The following TTC3 variants were observed in gnomAD, a reference collection of about 807,000 sequenced individuals.
TTC3 encodes E3 ubiquitin-protein ligase TTC3.
Under a neutral mutation model 249.6 loss-of-function variants are expected in TTC3, and 180 were observed. The observed-to-expected ratio is 0.72, with a 90% CI of 0.64 to 0.82. The LOEUF (loss-of-function observed/expected upper bound fraction) is 0.82, where lower values mean the gene tolerates loss of function less well. Ranked by LOEUF, TTC3 falls within the 40% of genes least tolerant of loss-of-function variation. TTC3 has a pLI of 0.00. For synonymous variants in TTC3, 717 were observed against 805.0 expected (o/e 0.89, Z 1.85); for missense variants, 2,061 against 2,398.4 (o/e 0.86, Z 2.94).
intron 20 of TTC3, among the ~76,000 whole-genome samples, chr21:37,143,425 G>A (rs2078678606): frequency 6.6e-6 from 1 of 152,032 alleles, no homozygotes. Context: ...ATCAAAAAGT[G>A]GGCAAAGGAT....
chr21:37,074,167 G>A (rs1353721506), intron 1 of TTC3, among the ~76,000 whole-genome samples: 1 of 152,192 alleles, frequency 6.6e-6, no homozygotes, highest in Non-Finnish European at 1.5e-5. Flanking sequence ...CCCAGGAGGG[G>A]GGTAACCTCG....
At chr21:37,113,970 A>G (rs1379419243) in intron 11 of TTC3, among the ~76,000 whole-genome samples, 1 of 152,194 alleles carries the variant, frequency 6.6e-6, no homozygotes, top group Non-Finnish European at 1.5e-5. Context: ...GGTGCTGGGA[A>G]AACTGGCCAA....
intron 11 of TTC3, among the ~76,000 whole-genome samples, chr21:37,115,641 G>C (rs1400942468): frequency 4.6e-5 from 7 of 152,136 alleles, no homozygotes. Flanking sequence ...ATTTTCACTT[G>C]ATCAAAGTTG....
intron 28 of TTC3, chr21:37,157,249 T>C (rs909674025): frequency 2.4e-6 from 3 of 1,232,654 alleles, no homozygotes; most frequent in South Asian, 1.3e-5. Flanking sequence ...TTAGAAAACA[T>C]TGGTCTGCAG....
In TTC3 at chr21:37,148,224, G is replaced by A. The variant is rs919255602; in HGVS notation, c.2017-322G>A. Among the ~76,000 whole-genome samples the A allele has an allele frequency of 5.6e-4, 85 of 152,130 alleles. 4 individuals are homozygous for A. Among genetic ancestry groups the A allele is most frequent in the Non-Finnish European group, 1.5e-5 (1 of 68,032 alleles). Reference sequence around the variant, plus strand: ...AATTCTGATCTCTCATAAAATTTGAGTCCCAAATCTAAAGGTCATTGTGAT... The same window carrying A: ...AATTCTGATCTCTCATAAAATTTGAATCCCAAATCTAAAGGTCATTGTGAT... On this transcript the variant is annotated intron_variant, in intron 22 of 45. Coordinates refer to ENST00000355666, the Ensembl canonical transcript of TTC3.
intron 11 of TTC3, 144 bp downstream of exon 11, chr21:37,108,590 T>C (rs2075310932): frequency 1.3e-6 from 1 of 788,650 alleles, no homozygotes; most frequent in Non-Finnish European, 2.0e-6. Flanking sequence ...ATCAGATCCA[T>C]GATCAGCGTG....
chr21:37,086,141 T>C (rs1054795038), intron 1 of TTC3: 3 of 152,258 alleles, frequency 2.0e-5, no homozygotes, highest in Non-Finnish European at 2.9e-5. Context: ...TTGTGAAGTT[T>C]TCATACAGCA....
intron 19 of TTC3, 54 bp downstream of exon 19, chr21:37,138,768 T>C: frequency 7.9e-7 from 1 of 1,259,684 alleles, no homozygotes; most frequent in African/African-American, 1.5e-5. Flanking sequence ...ACATATCTTA[T>C]AAAAATTATT....
intron 11 of TTC3, among the ~76,000 whole-genome samples, chr21:37,110,666 C>A (rs1006767865): frequency 1.3e-5 from 2 of 152,174 alleles, no homozygotes; most frequent in African/African-American, 4.8e-5. Flanking sequence ...CCCAATCTAG[C>A]AAGGCAGGCC....
At chr21:37,087,917 T>A (rs1452034381) in intron 3 of TTC3, 42 bp downstream of exon 3, 6 of 1,462,978 alleles carry the variant, frequency 4.1e-6, no homozygotes, top group Non-Finnish European at 5.7e-6. Flanking sequence ...ATGGAAAGAC[T>A]ACAAAGGGAG....
chr21:37,189,334 C>T (rs956036064), intron 39 of TTC3, among the ~76,000 whole-genome samples: 22 of 152,118 alleles, frequency 1.4e-4, no homozygotes, highest in Non-Finnish European at 2.6e-4. Flanking sequence ...CAACCTCTGC[C>T]TCCTGGGTTC....
exon 28 of TTC3, chr21:37,156,809 A>G: frequency 6.2e-7 from 1 of 1,614,134 alleles, no homozygotes; most frequent in Non-Finnish European, 8.5e-7. Context: ...AGCCAGCATC[A>G]TTGAAGGAAG....
intron 35 of TTC3, among the ~76,000 whole-genome samples, chr21:37,180,806 T>G (rs1247364533): frequency 6.6e-6 from 1 of 151,462 alleles, no homozygotes; most frequent in African/African-American, 2.4e-5. Context: ...AATGTTTTAA[T>G]TTCAGTAAGA....
chr21:37,153,462 C>G (rs1387818393), intron 27 of TTC3, 185 bp downstream of exon 27: 1 of 596,864 alleles, frequency 1.7e-6, no homozygotes, highest in Non-Finnish European at 2.7e-6. Context: ...ATTGCTTAAT[C>G]TCAGGAATTT....
rs1483818491 is a variant in TTC3, at chr21:37,090,304, A to G, written c.480+18A>G. 1 of 1,601,140 alleles carries G rather than the reference A, an allele frequency of 6.2e-7. No homozygotes were observed. Among genetic ancestry groups the G allele is most frequent in the Non-Finnish European group, 8.5e-7 (1 of 1,171,866 alleles). On this transcript the variant is annotated intron_variant, in intron 6 of 45. Coordinates refer to ENST00000355666, the Ensembl canonical transcript of TTC3. The stretch of plus-strand genomic sequence containing the variant: ...TAGAAAATGTAAGTGTTAAACACTG[A>G]AACTGGCACAGCCACTGTGGATGAG...
chr21:37,168,533 A>G (rs2081444053), intron 34 of TTC3, among the ~76,000 whole-genome samples: 2 of 152,208 alleles, frequency 1.3e-5, no homozygotes, highest in Admixed American at 6.5e-5. Flanking sequence ...TATATAAAGA[A>G]AAATTTTTAA....
intron 20 of TTC3, among the ~76,000 whole-genome samples, chr21:37,141,838 T>C (rs558993824): frequency 6.6e-6 from 1 of 152,250 alleles, no homozygotes; most frequent in East Asian, 1.9e-4. Context: ...TGAACATCCA[T>C]GCAAAAATCC....
chr21:37,162,802 T>G (rs938621415), intron 31 of TTC3, among the ~76,000 whole-genome samples: 1 of 36,828 alleles, frequency 2.7e-5, no homozygotes, highest in Non-Finnish European at 5.0e-5. Flanking sequence ...TTTCTCACAG[T>G]TCTGGAGGCT....
intron 11 of TTC3, among the ~76,000 whole-genome samples, chr21:37,113,225 A>G (rs1383503436): frequency 1.3e-5 from 2 of 152,232 alleles, no homozygotes; most frequent in Non-Finnish European, 2.9e-5. Flanking sequence ...AGGGCATTCA[A>G]TTAGGAAAAG....
Sources: allele counts gnomAD v4.1 joint callset (sites outside exome capture counted in the v4.1 genomes callset), GRCh38; gene constraint gnomAD v4.1.1; transcripts MANE v1.5; gene names NCBI Gene and HGNC (gene_info 2026-07-23, HGNC 2026-07-21).